RPH3AL: variants seen among roughly 807,000 people sequenced by gnomAD.
RPH3AL encodes the protein rab effector Noc2.
A neutral mutation model predicts 43.1 loss-of-function variants in RPH3AL; 38 were observed. The observed-to-expected ratio is 0.88, with a 90% CI of 0.68 to 1.15. The LOEUF (loss-of-function observed/expected upper bound fraction) is 1.15, where lower values mean the gene tolerates loss of function less well. RPH3AL is among the 50% of genes most tolerant of loss of function. The pLI is 0.00. For synonymous variants in RPH3AL, 189 were observed against 176.3 expected, an observed-to-expected ratio of 1.07 and a Z score of -0.57; for missense variants, 462 against 423.2, an observed-to-expected ratio of 1.09 and a Z score of -0.81.
At chr17:230,616 A>G (rs756247455) in intron 7 of RPH3AL, among the ~76,000 whole-genome samples, 62 of 152,300 alleles carry the variant, frequency 4.1e-4, no homozygotes, top group Non-Finnish European at 7.8e-4. Flanking sequence ...TCAGGCATAC[A>G]GGGGACATGG....
rs1431664475 is a variant in RPH3AL, at chr17:344,103, T to C, written c.-213+8609A>G. Among the ~76,000 whole-genome samples, 41 of 131,352 alleles carry C rather than the reference T, an allele frequency of 3.1e-4. 6 individuals carry two copies. Among genetic ancestry groups the C allele is most frequent in the African/African-American group, 1.1e-3 (41 of 37,876 alleles). 86.2% of individuals were successfully genotyped at this position (131,352 alleles called of 152,430 possible). ...ACTATCACCATCATTGTCACCATCATATTCACCTCCAGTCATCATCACCAT... is the reference window on the plus strand; with the variant it reads ...ACTATCACCATCATTGTCACCATCACATTCACCTCCAGTCATCATCACCAT... On this transcript the variant is annotated intron_variant, in intron 1 of 9. Coordinates refer to ENST00000331302, the MANE Select transcript of RPH3AL (RefSeq NM_006987.4).
chr17:235,347 A>G (rs113490673), intron 7 of RPH3AL, among the ~76,000 whole-genome samples: 214 of 79,270 alleles, frequency 2.7e-3, no homozygotes, highest in African/African-American at 3.8e-3. Flanking sequence ...AACAAGACGG[A>G]TCCAGGGTTC....
At chr17:312,761 G>C (rs2043675858) in intron 5 of RPH3AL, among the ~76,000 whole-genome samples, 1 of 152,218 alleles carries the variant, frequency 6.6e-6, no homozygotes, top group Admixed American at 6.5e-5. Flanking sequence ...TGAAAGAACA[G>C]AGGCCCAGAG....
In RPH3AL at chr17:328,314, C is replaced by A. The variant is rs955472192; in HGVS notation, c.-36-735G>T. ...TGTCTTTGGTGGTCTGAGGATGCCA[C>A]GCGTGCATTCTGAAGGGAGTGTGGG... On this transcript the variant is annotated intron_variant, in intron 2 of 9. Coordinates refer to ENST00000331302, the MANE Select transcript of RPH3AL (RefSeq NM_006987.4). This position sits in a 1 kb window ranked among gnomAD's most constrained non-coding sequence, Gnocchi z 4.2. Among the ~76,000 whole-genome samples, 1 of 150,822 alleles carries A rather than the reference C, an allele frequency of 6.6e-6. No individual in the cohort carries two copies. Among genetic ancestry groups the A allele is most frequent in the Non-Finnish European group, 1.5e-5 (1 of 67,782 alleles).
chr17:273,045 TCAGGGAGAGACCCCAGCGAGGGCGAC>T (rs2042540411), intron 6 of RPH3AL, among the ~76,000 whole-genome samples: 1 of 108,896 alleles, frequency 9.2e-6, no homozygotes, highest in African/African-American at 2.9e-5. Context: ...GAGGGCGACG[TCAGGGAGAGACCCCAGCGAGGGCGAC>T]GTCAGGGAGA....
chr17:280,679 A>T (rs1185777209), intron 6 of RPH3AL, among the ~76,000 whole-genome samples: 1 of 152,242 alleles, frequency 6.6e-6, no homozygotes, highest in East Asian at 1.9e-4. Context: ...TGGGGAATTG[A>T]TCTCAAGGAA....
At chr17:294,692 ACGGGCAGAGGGAATGCACATCAGTG>A (rs2043130773) in intron 5 of RPH3AL, among the ~76,000 whole-genome samples, 1 of 56,008 alleles carries the variant, frequency 1.8e-5, no homozygotes, top group African/African-American at 7.1e-5. Context: ...GCAGAAATGG[ACGGGCAGAGGGAATGCACATCAGTG>A]TGGGAAGGAC....
chr17:262,855 C>T (rs926154217), intron 6 of RPH3AL, among the ~76,000 whole-genome samples: 10 of 152,174 alleles, frequency 6.6e-5, no homozygotes, highest in African/African-American at 2.4e-4. Flanking sequence ...GTTATTCAGT[C>T]CGACCCCACT....
At chr17:249,419 G>A (rs537903713) in intron 6 of RPH3AL, among the ~76,000 whole-genome samples, 35 of 152,198 alleles carry the variant, frequency 2.3e-4, no homozygotes, top group African/African-American at 8.4e-4. Flanking sequence ...TCAGGCCCAA[G>A]AATGAACGTG....
In RPH3AL at chr17:334,585, T is replaced by C. The variant is rs113127519; in HGVS notation, c.-212-651A>G. Among the ~76,000 whole-genome samples, 126 of 86,134 alleles carry C rather than the reference T, an allele frequency of 1.5e-3. 2 individuals are homozygous for C. The highest frequency in any genetic ancestry group is 0.02 in the Middle Eastern group (2 of 100). The allele number at this position is 86,134 out of a possible 152,430, so 56.5% of individuals were successfully genotyped here. A position where few individuals can be genotyped will look rare whatever the true frequency, so the allele number is the denominator to read the frequency against. ...TCCCCCAGGGCCAGCCCATCCACTG[T>C]GGAGGGACAGGGACAAGGACAGGGA... On this transcript the variant is annotated intron_variant, in intron 1 of 9. Transcript: ENST00000331302.
intron 7 of RPH3AL, among the ~76,000 whole-genome samples, chr17:232,829 CGTGT>C (rs71143481): frequency 0.05 from 5,941 of 118,966 alleles, 256 homozygotes; most frequent in East Asian, 0.06. Context: ...TCCTTTCCGG[CGTGT>C]GTGTGTGTGT....
chr17:350,534 C>T (rs534729612), intron 1 of RPH3AL, among the ~76,000 whole-genome samples: 5 of 152,206 alleles, frequency 3.3e-5, no homozygotes, highest in South Asian at 2.1e-4. Flanking sequence ...TCGCTTGAAC[C>T]GAGGAGGCGG....
chr17:230,280 T>C (rs1432772741), intron 7 of RPH3AL, among the ~76,000 whole-genome samples: 2 of 152,146 alleles, frequency 1.3e-5, no homozygotes, highest in Non-Finnish European at 2.9e-5. Flanking sequence ...CTCAAATCGA[T>C]AGAGATGTGG....
At chr17:218,219 AG>A (rs1235968664) in intron 8 of RPH3AL, among the ~76,000 whole-genome samples, 1 of 144,428 alleles carries the variant, frequency 6.9e-6, no homozygotes, top group Non-Finnish European at 1.5e-5. Flanking sequence ...CACTGAAATC[AG>A]GACCCCCAAG....
At chr17:300,618 T>C (rs1419456574) in intron 5 of RPH3AL, among the ~76,000 whole-genome samples, 1 of 118,842 alleles carries the variant, frequency 8.4e-6, no homozygotes, top group Non-Finnish European at 1.7e-5. Context: ...AGCCTAGACC[T>C]GCAGAATCTC....
rs2044671027 is a variant in RPH3AL, at chr17:328,560, C to A, written c.-36-981G>T. Among the ~76,000 whole-genome samples the A allele has an allele frequency of 1.3e-5, 2 of 152,118 alleles. No individual in the cohort carries two copies. Among genetic ancestry groups the A allele is most frequent in the African/African-American group, 2.4e-5 (1 of 41,404 alleles). ...GAAACTCTACTCCTAGTTACACACCCAAGAGTACCCAAAACATACGTCCTC... is the reference window on the plus strand; with the variant it reads ...GAAACTCTACTCCTAGTTACACACCAAAGAGTACCCAAAACATACGTCCTC... On this transcript the variant is annotated intron_variant, in intron 2 of 9. Transcript: ENST00000331302. This position sits in a 1 kb window ranked among gnomAD's most constrained non-coding sequence, Gnocchi z 4.2.
At position 302,447 on chromosome 17, in the gene RPH3AL, C is replaced by T. The variant is rs112902380; in HGVS notation, c.351+16973G>A. Among the ~76,000 whole-genome samples the T allele has an allele frequency of 2.6e-3, 393 of 152,318 alleles. 1 individual carries two copies. Among genetic ancestry groups the T allele is most frequent in the African/African-American group, 8.1e-3 (335 of 41,568 alleles). ...CGTTGCAGGGAATGAACTTGAGCCA[C>T]GCCTTCAGCTGGATTTCAGACGTGG... On this transcript the variant is annotated intron_variant, in intron 5 of 9. Transcript: ENST00000331302.
chr17:238,570 CT>C (rs1334984546), intron 7 of RPH3AL, among the ~76,000 whole-genome samples: 2 of 152,236 alleles, frequency 1.3e-5, no homozygotes, highest in African/African-American at 4.8e-5. Context: ...CAGCACCCAT[CT>C]TGTGACCATG....
chr17:280,488 G>A (rs78122806), intron 6 of RPH3AL, among the ~76,000 whole-genome samples: 1 of 152,298 alleles, frequency 6.6e-6, no homozygotes, highest in East Asian at 1.9e-4. Context: ...AACCCAGGAT[G>A]CCTGGCTCAG....
Sources: gnomAD v4.1 joint callset for allele counts (sites outside exome capture counted in the v4.1 genomes callset) on GRCh38, gnomAD v4.1.1 for gene constraint, Gnocchi (gnomAD v3.1) non-coding constraint, MANE v1.5 for transcripts, NCBI Gene and HGNC (gene_info 2026-07-23, HGNC 2026-07-21) for gene names.